Variants in ZIM2 observed in about 807,000 individuals in gnomAD.
ZIM2 encodes zinc finger imprinted 2.
In ZIM2, 14 loss-of-function variants were observed where a neutral mutation model predicts 38.6. The observed-to-expected ratio is 0.36, with a 90% CI of 0.24 to 0.57. ZIM2 has a LOEUF of 0.57. Among genes scored for constraint, ZIM2 ranks in the 20% least tolerant of loss-of-function variants. The pLI is 0.81. For missense variants in ZIM2, 680 were observed against 695.1 expected (o/e 0.98, Z 0.24); for synonymous variants, 247 against 245.8 (o/e 1.00, Z -0.04).
chr19:56,815,204 C>A (rs1412473724), intron 9 of ZIM2: 1 of 1,613,962 alleles, frequency 6.2e-7, no homozygotes, highest in Admixed American at 1.7e-5. Context: ...GTCTCCTGAC[C>A]ATGGGTCTCC....
At chr19:56,825,187 G>A in intron 3 of ZIM2, among the ~76,000 whole-genome samples, 1 of 152,220 alleles carries the variant, frequency 6.6e-6, no homozygotes, top group East Asian at 1.9e-4. Flanking sequence ...AAAATGAAAA[G>A]GGGAAGTAGG....
At chr19:56,776,725 A>G (rs2046029144) in intron 12 of ZIM2, among the ~76,000 whole-genome samples, 1 of 152,204 alleles carries the variant, frequency 6.6e-6, no homozygotes, top group Non-Finnish European at 1.5e-5. Flanking sequence ...AAGGGACTCT[A>G]ATCAGACTGT....
chr19:56,823,873 T>G (rs1347337200), intron 4 of ZIM2, among the ~76,000 whole-genome samples, 194 bp from the exon 5 acceptor site: 1 of 151,984 alleles, frequency 6.6e-6, no homozygotes, highest in Non-Finnish European at 1.5e-5. Context: ...GGGGGGAGCA[T>G]GGTGGCTGTG....
Position 56,789,882 on chromosome 19 carries a change from G to A in ZIM2, c.560C>T (p.Ala187Val), listed in dbSNP as rs771573930. ...GAAAGCCTGACTCACCTGGGACCCA[G>A]CAGATGGCAGATTGTCTAACATCTC... ...NTEMLDNLPS[A>V]GSQFPDFKHL... The change falls in exon 10 of 13, where the codon GCT (alanine) becomes GTT (valine). Residue 187 changes from alanine to valine, a missense_variant. Ala to Val is a moderately conservative substitution (Grantham distance 64). Transcript: ENST00000629319. 5 of 1,575,864 alleles carry A rather than the reference G, an allele frequency of 3.2e-6. No individual in the cohort carries two copies. The East Asian group carries it at 9.1e-5, about 29-fold the overall frequency.
At chr19:56,813,088 A>T in intron 9 of ZIM2, 1 of 985,548 alleles carries the variant, frequency 1.0e-6, no homozygotes, top group Non-Finnish European at 1.2e-6. Flanking sequence ...AGGGTAAGAA[A>T]CAAAACAATT....
chr19:56,834,850 G>A (rs2061929758), intron 2 of ZIM2, among the ~76,000 whole-genome samples: 1 of 152,098 alleles, frequency 6.6e-6, no homozygotes, highest in Non-Finnish European at 1.5e-5. Context: ...CCATTCAGTA[G>A]ACACTGAGGC....
intron 9 of ZIM2, chr19:56,811,451 A>AT (rs765218502): frequency 1.0e-6 from 1 of 953,072 alleles, no homozygotes; most frequent in Non-Finnish European, 1.2e-6. Context: ...ATAACTCGTG[A>AT]TTATCATTTT....
At chr19:56,828,474 C>A (rs1338129356) in intron 2 of ZIM2, among the ~76,000 whole-genome samples, 1 of 152,182 alleles carries the variant, frequency 6.6e-6, no homozygotes, top group Non-Finnish European at 1.5e-5. Flanking sequence ...AGTGTGTTCA[C>A]AGAAGCACTG....
At chr19:56,839,120 T>C (rs928961923) in intron 1 of ZIM2, among the ~76,000 whole-genome samples, 9 of 145,950 alleles carry the variant, frequency 6.2e-5, no homozygotes, top group South Asian at 2.2e-4. Context: ...TCTCAAGCAC[T>C]TTCATTAAAG....
intron 1 of ZIM2, among the ~76,000 whole-genome samples, chr19:56,837,995 G>A (rs1042348530): frequency 2.6e-5 from 4 of 152,186 alleles, no homozygotes; most frequent in African/African-American, 9.6e-5. Context: ...AGTCACTCAA[G>A]ACAAAGCAGA....
intron 1 of ZIM2, among the ~76,000 whole-genome samples, chr19:56,839,168 G>C (rs536858559): frequency 6.6e-6 from 1 of 151,946 alleles, no homozygotes; most frequent in East Asian, 2.0e-4. Flanking sequence ...CAAACCACTA[G>C]GTCCAATGCC....
At chr19:56,783,539 G>C (rs1284135966) in intron 10 of ZIM2, among the ~76,000 whole-genome samples, 1 of 152,176 alleles carries the variant, frequency 6.6e-6, no homozygotes, top group Non-Finnish European at 1.5e-5. Flanking sequence ...CAGATGCAAC[G>C]GGAAACCATT....
At chr19:56,779,066 T>A (rs1047214765) in intron 12 of ZIM2, among the ~76,000 whole-genome samples, 1 of 152,022 alleles carries the variant, frequency 6.6e-6, no homozygotes, top group Admixed American at 6.6e-5. Context: ...ACAAGTGGTA[T>A]CAGGCCAGGA....
At chr19:56,816,656 G>A (rs753319786) in intron 9 of ZIM2, 1 of 1,613,906 alleles carries the variant, frequency 6.2e-7, no homozygotes, top group South Asian at 1.1e-5. Context: ...TCACGTTCAT[G>A]TTCACGCTCA....
chr19:56,788,207 A>G (rs2046732118), intron 10 of ZIM2, among the ~76,000 whole-genome samples: 2 of 151,892 alleles, frequency 1.3e-5, no homozygotes, highest in East Asian at 1.9e-4. Flanking sequence ...TAGGGTGTCA[A>G]TTTTAGATCT....
chr19:56,809,378 G>A (rs2047943575), intron 9 of ZIM2, among the ~76,000 whole-genome samples: 1 of 152,170 alleles, frequency 6.6e-6, no homozygotes, highest in South Asian at 2.1e-4. Context: ...TATTAGACGG[G>A]CATGAAGTAC....
intron 9 of ZIM2, among the ~76,000 whole-genome samples, chr19:56,806,014 T>G (rs1428029637): frequency 6.6e-6 from 1 of 152,222 alleles, no homozygotes; most frequent in Non-Finnish European, 1.5e-5. Context: ...ACTGAAGTAT[T>G]CAGAGGTGAG....
intron 2 of ZIM2, among the ~76,000 whole-genome samples, chr19:56,829,923 T>C (rs1474656636): frequency 1.3e-5 from 2 of 152,130 alleles, no homozygotes; most frequent in Non-Finnish European, 2.9e-5. Flanking sequence ...CGCCTACCAC[T>C]GAAGAAAACA....
At chr19:56,779,349 C>T (rs778646133) in intron 12 of ZIM2, 28 bp downstream of exon 12, 1 of 1,610,710 alleles carries the variant, frequency 6.2e-7, no homozygotes, top group African/African-American at 1.3e-5. Flanking sequence ...CCCCCTCCTA[C>T]ACCCCGGGCT....
Sources: allele counts gnomAD v4.1 joint callset (sites outside exome capture counted in the v4.1 genomes callset), GRCh38; gene constraint gnomAD v4.1.1; transcripts MANE v1.5; gene names NCBI Gene and HGNC (gene_info 2026-07-23, HGNC 2026-07-21).